Variants in VPS13C observed in about 807,000 individuals in gnomAD.
VPS13C encodes vacuolar protein sorting 13 homolog C.
VPS13C carries 358 observed loss-of-function variants against 456.8 expected under a neutral mutation model. That is an observed-to-expected ratio of 0.78 (90% CI 0.72 to 0.86). VPS13C has a LOEUF of 0.86. Ranked by LOEUF, VPS13C falls within the 40% of genes least tolerant of loss-of-function variation. VPS13C has a pLI of 0.00. For missense variants in VPS13C, 4,818 were observed against 4,385.4 expected (o/e 1.10, Z -2.79); for synonymous variants, 1,578 against 1,486.7 (o/e 1.06, Z -1.41).
chr15:61,947,882 A>C (rs901289014), intron 42 of VPS13C, among the ~76,000 whole-genome samples: 1 of 152,204 alleles, frequency 6.6e-6, no homozygotes, highest in Admixed American at 6.5e-5. Flanking sequence ...ACCAAAAAAA[A>C]ATTTATAATG....
At chr15:61,967,712 T>C (rs1330753618) in intron 28 of VPS13C, among the ~76,000 whole-genome samples, 1 of 152,018 alleles carries the variant, frequency 6.6e-6, no homozygotes, top group Non-Finnish European at 1.5e-5. Context: ...ACAAATAATT[T>C]ATTTTACTTC....
intron 75 of VPS13C, 73 bp from the exon 76 acceptor site, chr15:61,875,918 A>G: frequency 9.8e-7 from 1 of 1,021,094 alleles, no homozygotes; most frequent in Non-Finnish European, 1.4e-6. Context: ...ATAGAAAAAA[A>G]GAGATTTACT....
rs772116080 is a variant in VPS13C at position 61,922,793 on chromosome 15, A to G, written c.6610-31T>C. 3 of 1,512,104 alleles carry G rather than the reference A, an allele frequency of 2.0e-6. No homozygotes were observed. In the African/African-American group the frequency reaches 4.2e-5, roughly 21 times the overall value. 93.7% of individuals were successfully genotyped at this position (1,512,104 alleles called of 1,614,324 possible). On this transcript the variant is annotated intron_variant, in intron 53 of 84. Transcript: ENST00000644861. ...AAAAAGAAAGCAGAAAAATATTTAT[A>G]ATAAATTCTTTCCCAGATGAGAATA...
In VPS13C at chr15:61,967,386, C is replaced by G. The variant is rs769932639; in HGVS notation, c.2973G>C (p.Leu991Phe). ...SSSDKPGLDL[L>F]KVEYIKADKN... ...CCCTTACCTTAATATACTCCACTTT[C>G]AAAAGATCTAATCCAGGTTTGTCAG... Residue 991 changes from leucine (L) to phenylalanine (F), a missense_variant, in exon 29 of 85, where the codon TTG (leucine) becomes TTC (phenylalanine). Transcript: ENST00000644861. The G allele has an allele frequency of 3.4e-5, 55 of 1,606,504 alleles. No individual in the cohort carries two copies. Among genetic ancestry groups the G allele is most frequent in the Non-Finnish European group, 4.5e-5 (53 of 1,176,336 alleles).
intron 3 of VPS13C, among the ~76,000 whole-genome samples, chr15:62,040,003 T>C (rs1055082900): frequency 2.0e-5 from 3 of 152,260 alleles, no homozygotes; most frequent in East Asian, 1.9e-4. Flanking sequence ...GTGGTAAATA[T>C]ACACAATGGA....
intron 1 of VPS13C, among the ~76,000 whole-genome samples, chr15:62,053,226 G>A (rs1454718178): frequency 6.6e-6 from 1 of 152,096 alleles, no homozygotes; most frequent in East Asian, 1.9e-4. Flanking sequence ...CTGGCTGGGA[G>A]GAAAAGACTA....
chr15:62,006,959 C>T (rs1354698320), intron 15 of VPS13C, among the ~76,000 whole-genome samples: 1 of 152,086 alleles, frequency 6.6e-6, no homozygotes, highest in Non-Finnish European at 1.5e-5. Context: ...AAAGCCACTA[C>T]CGTATAAATA....
At chr15:62,053,791 A>G (rs964176505) in intron 1 of VPS13C, among the ~76,000 whole-genome samples, 13 of 152,278 alleles carry the variant, frequency 8.5e-5, no homozygotes, top group South Asian at 4.1e-4. Context: ...TGCTCCAACA[A>G]TATCTGGCAG....
intron 36 of VPS13C, 58 bp downstream of exon 36, chr15:61,959,388 TAA>T (rs1272544341): frequency 4.2e-6 from 6 of 1,437,830 alleles, no homozygotes; most frequent in East Asian, 2.4e-5. Flanking sequence ...GGATTTCTGC[TAA>T]AAGTCTTTGG....
At chr15:61,986,264 T>A (rs2046050622) in intron 18 of VPS13C, among the ~76,000 whole-genome samples, 1 of 151,710 alleles carries the variant, frequency 6.6e-6, no homozygotes, top group Non-Finnish European at 1.5e-5. Flanking sequence ...GACTACTAGA[T>A]TTATTAGGGT....
intron 79 of VPS13C, among the ~76,000 whole-genome samples, chr15:61,870,543 T>G (rs1049826572): frequency 6.6e-6 from 1 of 152,220 alleles, no homozygotes; most frequent in Admixed American, 6.5e-5. Flanking sequence ...GATGGACATT[T>G]GGGTTGTTTC....
Position 61,951,990 on chromosome 15 carries a change from G to C in VPS13C, c.4300-10C>G, listed in dbSNP as rs200015987. ...TCAAAGTAACCACAACCTAAAAAAC[G>C]GTACCAGTATTACCACCAACTATTT... On this transcript the variant is annotated splice_polypyrimidine_tract_variant and intron_variant, in intron 38 of 84. Transcript: ENST00000644861. The C allele has an allele frequency of 5.0e-6, 8 of 1,610,692 alleles. No homozygotes were observed. In the South Asian group the frequency reaches 6.6e-5, roughly 13 times the overall value.
Position 62,057,672 on chromosome 15 carries a change from CCACTGG to C in VPS13C, c.100+2597_100+2602del, listed in dbSNP as rs1212856552. ...AGGCCTATTATAAAGTTAATGTTGGCCACTGGCAGAATACCTTATTCTAAAAATTTA... is the reference window on the plus strand; with the variant it reads ...AGGCCTATTATAAAGTTAATGTTGGCCAGAATACCTTATTCTAAAAATTTA... On this transcript the variant is annotated intron_variant, in intron 1 of 84. Transcript: ENST00000644861. Among the ~76,000 whole-genome samples, 15 of 152,162 alleles carry C rather than the reference CCACTGG, an allele frequency of 9.9e-5. 1 individual carries two copies. Among genetic ancestry groups the C allele is most frequent in the African/African-American group, 3.6e-4 (15 of 41,504 alleles).
intron 9 of VPS13C, 59 bp from the exon 10 acceptor site, chr15:62,014,051 A>G: frequency 1.6e-6 from 2 of 1,251,316 alleles, no homozygotes; most frequent in South Asian, 1.3e-5. Flanking sequence ...ATAGCGCTCT[A>G]ATACTTACAT....
intron 22 of VPS13C, among the ~76,000 whole-genome samples, chr15:61,980,183 CAAAAAAAAAAAAAAAAAA>C (rs71125960): frequency 6.6e-5 from 3 of 45,250 alleles, no homozygotes; most frequent in Non-Finnish European, 1.3e-4. Context: ...GACCCCATCT[CAAAAAAAAAAAAAAAAAA>C]AAAAAAAAAA....
In VPS13C at chr15:61,927,261, A is replaced by C; in HGVS notation, c.6346T>G (p.Phe2116Val). ...TCAGCCTTTGTCAGGCTGGCAACAA[A>C]TACCACTTCTGGATCTGTGATCATG... ...KAMITDPEVV[F>V]VASLTKADAP... is the part of the protein sequence containing the mutation. The change falls in exon 52 of 85, where the codon TTT becomes GTT. Residue 2116 changes from phenylalanine to valine, a missense_variant. Phe to Val is a conservative substitution (Grantham distance 50). Around this residue, in one of 3 missense-constraint regions of VPS13C, gnomAD observed 4,552 missense variants for 4,130.6 expected, o/e 1.10. Transcript: ENST00000644861. 1.2e-6 allele frequency: 2 copies of C among 1,614,202 alleles called. No individual in the cohort carries two copies. Among genetic ancestry groups the C allele is most frequent in the African/African-American group, 2.7e-5 (2 of 75,064 alleles).
chr15:62,023,445 T>A lies in VPS13C; in HGVS notation c.590A>T (p.Lys197Ile). 6.4e-7 allele frequency: 1 copy of A among 1,571,940 alleles called. No homozygotes were observed. The highest frequency in any genetic ancestry group is 1.2e-5 in the South Asian group (1 of 82,388). Residue 197 changes from lysine (K) to isoleucine (I), a missense_variant, in exon 8 of 85, where the codon AAA becomes ATA. Lys to Ile is a moderately radical substitution (Grantham distance 102). Coordinates refer to ENST00000644861, the MANE Select transcript of VPS13C (RefSeq NM_020821.3). ...ATQVIKNVQV[K>I]ITDIHIKYED... ...ATATTTAATGTGAATATCTGTGATT[T>A]TTACTTGTACATTTTTTATTACTTG...
intron 9 of VPS13C, among the ~76,000 whole-genome samples, chr15:62,014,884 G>A (rs1302713417): frequency 6.6e-6 from 1 of 152,102 alleles, no homozygotes; most frequent in African/African-American, 2.4e-5. Flanking sequence ...GAAAAAGAAT[G>A]AGAAAGAAAG....
chr15:61,860,953 CTTTTTTT>C (rs781045840), intron 82 of VPS13C, among the ~76,000 whole-genome samples: 128 of 89,688 alleles, frequency 1.4e-3, no homozygotes, highest in African/African-American at 4.6e-3. Context: ...TATTTTCTTT[CTTTTTTT>C]TTTTTTTTTT....
Sources: gnomAD v4.1 joint callset for allele counts (sites outside exome capture counted in the v4.1 genomes callset) on GRCh38, gnomAD v4.1.1 for gene constraint, gnomAD v4.1.1 regional missense constraint, MANE v1.5 for transcripts, NCBI Gene and HGNC (gene_info 2026-07-23, HGNC 2026-07-21) for gene names.